Variants in PEBP4 observed in about 807,000 individuals in gnomAD.
PEBP4 encodes the protein phosphatidylethanolamine binding protein 4.
PEBP4 carries 22 observed loss-of-function variants against 23.9 expected under a neutral mutation model. That is an observed-to-expected ratio of 0.92 (90% CI 0.66 to 1.31). PEBP4 has a LOEUF of 1.31. PEBP4 is among the 40% of genes most tolerant of loss of function. The pLI is 0.00. For missense variants in PEBP4, 324 were observed against 281.7 expected (o/e 1.15, Z -1.07); for synonymous variants, 112 against 99.3 (o/e 1.13, Z -0.76).
chr8:22,881,637 T>C (rs114037766), intron 3 of PEBP4, among the ~76,000 whole-genome samples: 1,870 of 152,300 alleles, frequency 0.012, 38 homozygotes, highest in African/African-American at 0.042. Flanking sequence ...ATGCTTCTCC[T>C]TTGGGATTCA....
At chr8:22,806,088 CT>C (rs1452098667) in intron 4 of PEBP4, among the ~76,000 whole-genome samples, 2 of 152,206 alleles carry the variant, frequency 1.3e-5, no homozygotes, top group African/African-American at 4.8e-5. Context: ...TAAAACTCCT[CT>C]TGATCTTTTC....
intron 3 of PEBP4, among the ~76,000 whole-genome samples, chr8:22,860,642 C>T (rs930769408): frequency 6.6e-6 from 1 of 152,146 alleles, no homozygotes; most frequent in Admixed American, 6.5e-5. Flanking sequence ...TTTTTGCCCT[C>T]TCAAAATCTG....
At chr8:22,826,368 C>T (rs953788856) in intron 3 of PEBP4, among the ~76,000 whole-genome samples, 2 of 152,164 alleles carry the variant, frequency 1.3e-5, no homozygotes, top group Non-Finnish European at 2.9e-5. Context: ...GAGTGATGTG[C>T]CTTTTTACTC....
chr8:22,781,233 G>A (rs1805907971), intron 4 of PEBP4, among the ~76,000 whole-genome samples: 1 of 152,186 alleles, frequency 6.6e-6, no homozygotes, highest in Admixed American at 6.5e-5. Context: ...CCTTGGCAGT[G>A]GAAGCCCTGC....
At chr8:22,906,204 G>A (rs1352991462) in intron 3 of PEBP4, among the ~76,000 whole-genome samples, 1 of 152,132 alleles carries the variant, frequency 6.6e-6, no homozygotes, top group Admixed American at 6.5e-5. Context: ...ATGCTGAACA[G>A]AGGGTGTTAC....
At position 22,713,348 on chromosome 8, in the gene PEBP4, C is replaced by A; in HGVS notation, c.*22G>T. The A allele has an allele frequency of 6.4e-7, 1 of 1,560,606 alleles. No individual in the cohort carries two copies. The highest frequency in any genetic ancestry group is 8.7e-7 in the Non-Finnish European group (1 of 1,153,846). On this transcript the variant is annotated 3_prime_UTR_variant, in exon 7 of 7. Coordinates refer to ENST00000256404, the MANE Select transcript of PEBP4 (RefSeq NM_144962.3). Reference sequence around the variant, plus strand: ...CGGTGGTGGGCAGTGTGGCCACATGCCCGGATGGCAAAGCCGGCTATCTAG... The same window carrying A: ...CGGTGGTGGGCAGTGTGGCCACATGACCGGATGGCAAAGCCGGCTATCTAG...
At chr8:22,717,404 G>C (rs1240841338) in intron 6 of PEBP4, among the ~76,000 whole-genome samples, 1 of 152,186 alleles carries the variant, frequency 6.6e-6, no homozygotes, top group East Asian at 1.9e-4. Context: ...TGTAGCCAAG[G>C]GACGTTTCCC....
At chr8:22,914,225 G>C (rs530281982) in intron 3 of PEBP4, among the ~76,000 whole-genome samples, 3 of 151,840 alleles carry the variant, frequency 2.0e-5, no homozygotes, top group Non-Finnish European at 4.4e-5. Context: ...CAAGTGATCT[G>C]CCCACCTCAG....
chr8:22,789,443 T>A (rs1488822889), intron 4 of PEBP4, among the ~76,000 whole-genome samples: 1 of 152,056 alleles, frequency 6.6e-6, no homozygotes, highest in African/African-American at 2.4e-5. Flanking sequence ...CAACCTTCAG[T>A]TTATGCTGGT....
At chr8:22,851,340 G>T (rs914914013) in intron 3 of PEBP4, among the ~76,000 whole-genome samples, 1 of 152,106 alleles carries the variant, frequency 6.6e-6, no homozygotes, top group Non-Finnish European at 1.5e-5. Context: ...TTGTGACTTT[G>T]CATTCCAGTT....
intron 3 of PEBP4, among the ~76,000 whole-genome samples, chr8:22,839,844 A>G (rs1003820121): frequency 6.6e-6 from 1 of 151,494 alleles, no homozygotes; most frequent in African/African-American, 2.4e-5. Context: ...GGTGTTTTTT[A>G]CCCCCTCGCC....
intron 3 of PEBP4, among the ~76,000 whole-genome samples, chr8:22,899,831 C>T (rs1161484485): frequency 6.6e-6 from 1 of 152,132 alleles, no homozygotes; most frequent in Non-Finnish European, 1.5e-5. Flanking sequence ...CACCTAAGAA[C>T]CCTGGGACAG....
intron 3 of PEBP4, among the ~76,000 whole-genome samples, chr8:22,833,449 G>A (rs1253466052): frequency 2.0e-5 from 3 of 152,032 alleles, no homozygotes; most frequent in Non-Finnish European, 4.4e-5. Flanking sequence ...CTTCTGCCTC[G>A]GCCTCCCGAG....
chr8:22,909,294 C>T (rs1015633461), intron 3 of PEBP4, among the ~76,000 whole-genome samples: 2 of 152,018 alleles, frequency 1.3e-5, no homozygotes, highest in Admixed American at 6.5e-5. Context: ...CCATCCTCTG[C>T]GGCTCTACAC....
intron 4 of PEBP4, among the ~76,000 whole-genome samples, chr8:22,780,842 G>C (rs941726139): frequency 1.3e-4 from 20 of 152,176 alleles, no homozygotes; most frequent in African/African-American, 4.8e-4. Flanking sequence ...CTGGCTAAGG[G>C]GAAAGGAAAC....
intron 4 of PEBP4, chr8:22,758,102 A>C (rs191801329): frequency 6.6e-6 from 1 of 152,364 alleles, no homozygotes; most frequent in South Asian, 2.1e-4. Context: ...TGTGTGTGAA[A>C]TATTTCATCA....
chr8:22,732,632 ATTT>A (rs1200372175), intron 4 of PEBP4, among the ~76,000 whole-genome samples: 1,265 of 76,186 alleles, frequency 0.017, 16 homozygotes, highest in African/African-American at 0.043. Flanking sequence ...AGCTGGCCCC[ATTT>A]GTGTGTGTGT....
intron 4 of PEBP4, among the ~76,000 whole-genome samples, chr8:22,728,577 T>TTCCTTCC (rs1554478844): frequency 7.4e-5 from 10 of 134,314 alleles, no homozygotes; most frequent in African/African-American, 2.5e-4. Context: ...CCTTCCTTCC[T>TTCCTTCC]TCCTTCCTTC....
intron 4 of PEBP4, among the ~76,000 whole-genome samples, chr8:22,738,638 A>G (rs545499167): frequency 9.2e-5 from 14 of 152,246 alleles, no homozygotes; most frequent in African/African-American, 3.1e-4. Context: ...CAAGTCACAC[A>G]CACACACTTG....
Sources: allele counts gnomAD v4.1 joint callset (sites outside exome capture counted in the v4.1 genomes callset), GRCh38; gene constraint gnomAD v4.1.1; transcripts MANE v1.5; gene names NCBI Gene and HGNC (gene_info 2026-07-23, HGNC 2026-07-21).